The following TRIM54 variants were observed in gnomAD, a reference collection of about 807,000 sequenced individuals.
The protein encoded by TRIM54 is tripartite motif-containing protein 54.
TRIM54 carries 40 observed loss-of-function variants against 42.0 expected under a neutral mutation model. The ratio of observed to expected loss-of-function variants is 0.95; its 90% confidence interval spans 0.74 to 1.24. The LOEUF is 1.24. Ranked by LOEUF, TRIM54 falls within the 50% of genes most tolerant of loss-of-function variation. TRIM54 has a pLI of 0.00. For missense variants in TRIM54, 485 were observed against 480.3 expected, an observed-to-expected ratio of 1.01 and a Z score of -0.09; for synonymous variants, 199 against 194.9, an observed-to-expected ratio of 1.02 and a Z score of -0.17.
In TRIM54 at chr2:27,304,975, G is replaced by C. The variant is rs758426384; in HGVS notation, c.530G>C (p.Gly177Ala). Residue 177 changes from glycine to alanine, a missense_variant, in exon 4 of 9, where the codon GGC (glycine) becomes GCC (alanine). Gly to Ala is a moderately conservative substitution (Grantham distance 60). Transcript: ENST00000380075. ...YKRQKSELSD[G>A]IAMLVAGNDR... is the part of the protein sequence containing the mutation. ...GTGTATCAGAGTGAGCTCAGCGATG[G>C]CATCGCGATGCTGGTGGCAGGCAAT... 8.1e-6 allele frequency: 13 copies of C among 1,614,066 alleles called. No homozygotes were observed. Among genetic ancestry groups the C allele is most frequent in the Non-Finnish European group, 1.1e-5 (13 of 1,179,964 alleles).
At chr2:27,304,718 T>G in intron 3 of TRIM54, 1 of 433,344 alleles carries the variant, frequency 2.3e-6, no homozygotes, top group South Asian at 5.8e-5. Context: ...ATCTGGTGGA[T>G]GTTTGGAGAC....
At position 27,298,557 on chromosome 2, in the gene TRIM54, G is replaced by A. The variant is rs1678933700; in HGVS notation, c.169-10G>A. 1 of 1,610,716 alleles carries A rather than the reference G, an allele frequency of 6.2e-7. No homozygotes were observed. Among genetic ancestry groups the A allele is most frequent in the African/African-American group, 1.3e-5 (1 of 74,942 alleles). The stretch of plus-strand genomic sequence containing the variant: ...CCGTGCCTGTTCTCTCAAGCCATCT[G>A]TCCCTGCAGGCCTCGAATCCTCTAT... On this transcript the variant is annotated splice_polypyrimidine_tract_variant and intron_variant, in intron 1 of 8. Coordinates refer to ENST00000380075, the MANE Select transcript of TRIM54 (RefSeq NM_187841.3).
At chr2:27,300,164 A>T (rs530684958) in intron 3 of TRIM54, among the ~76,000 whole-genome samples, 489 of 151,608 alleles carry the variant, frequency 3.2e-3, no homozygotes, top group Non-Finnish European at 5.5e-3. Context: ...TTATTTATTT[A>T]TTTATTTGTT....
chr2:27,289,860 C>CTTTTTTTTTTTTTTT (rs756771152), intron 1 of TRIM54, among the ~76,000 whole-genome samples: 1 of 100,608 alleles, frequency 9.9e-6, no homozygotes, highest in Non-Finnish European at 2.0e-5. Flanking sequence ...CTCTCTTTCT[C>CTTTTTTTTTTTTTTT]TTTTTTTTTT....
intron 1 of TRIM54, among the ~76,000 whole-genome samples, chr2:27,283,990 G>A (rs992971941): frequency 6.6e-6 from 1 of 152,004 alleles, no homozygotes; most frequent in Admixed American, 6.6e-5. Flanking sequence ...AAAATTAGCC[G>A]GGCGTGGTTG....
chr2:27,296,242 C>T (rs1037692730), intron 1 of TRIM54, among the ~76,000 whole-genome samples: 6 of 152,178 alleles, frequency 3.9e-5, no homozygotes, highest in Admixed American at 2.0e-4. Context: ...AGGGGCCTTC[C>T]AAACTGTCTT....
At position 27,299,281 on chromosome 2, in the gene TRIM54, C is replaced by G. The variant is rs1251823596; in HGVS notation, c.378C>G (p.Cys126Trp). The change falls in exon 3 of 9, where the codon TGC becomes TGG. Residue 126 changes from cysteine to tryptophan, a missense_variant. Transcript: ENST00000380075. Reference sequence around the variant, plus strand: ...CCAAGGCTGAGCAGCACCTCATGTGCGAGGAGCATGAAGAAGAGAAGATCA... The same window carrying G: ...CCAAGGCTGAGCAGCACCTCATGTGGGAGGAGCATGAAGAAGAGAAGATCA... ...LHSKAEQHLM[C>W]EEHEEEKINI... 3 of 1,614,114 alleles carry G rather than the reference C, an allele frequency of 1.9e-6. No homozygotes were observed. The highest frequency in any genetic ancestry group is 2.5e-6 in the Non-Finnish European group (3 of 1,180,046).
At chr2:27,288,213 C>G (rs1260533432) in intron 1 of TRIM54, among the ~76,000 whole-genome samples, 1 of 152,176 alleles carries the variant, frequency 6.6e-6, no homozygotes, top group Non-Finnish European at 1.5e-5. Context: ...CTTGGATGGT[C>G]CATCATTCAT....
intron 3 of TRIM54, 44 bp downstream of exon 3, chr2:27,299,460 TAGGAC>T: frequency 6.2e-7 from 1 of 1,600,458 alleles, no homozygotes; most frequent in Non-Finnish European, 8.5e-7. Context: ...GATGGGGGCT[TAGGAC>T]AGGGTCTCAG....
intron 3 of TRIM54, among the ~76,000 whole-genome samples, chr2:27,301,919 C>T (rs1015395283): frequency 2.0e-5 from 3 of 152,042 alleles, no homozygotes; most frequent in Non-Finnish European, 4.4e-5. Context: ...TTTAAGAGGC[C>T]GAGGCGGGCG....
At chr2:27,282,947 T>C (rs770940656) in intron 1 of TRIM54, 48 bp downstream of exon 1, 3 of 1,569,222 alleles carry the variant, frequency 1.9e-6, no homozygotes, top group Non-Finnish European at 2.6e-6. Flanking sequence ...TGCAGACCTG[T>C]GGGGGACTGA....
intron 1 of TRIM54, among the ~76,000 whole-genome samples, chr2:27,284,096 G>A (rs1172723058): frequency 6.6e-6 from 1 of 152,134 alleles, no homozygotes; most frequent in African/African-American, 2.4e-5. Context: ...TCATGCCACT[G>A]CACTCTGACC....
At chr2:27,300,373 A>C (rs192379291) in intron 3 of TRIM54, among the ~76,000 whole-genome samples, 250 of 151,212 alleles carry the variant, frequency 1.7e-3, no homozygotes, top group African/African-American at 5.9e-3. Flanking sequence ...GGGCTTCACC[A>C]TGTTGGCCAG....
At chr2:27,287,824 T>A (rs1678618979) in intron 1 of TRIM54, among the ~76,000 whole-genome samples, 1 of 152,270 alleles carries the variant, frequency 6.6e-6, no homozygotes, top group South Asian at 2.1e-4. Flanking sequence ...CCACTGCACC[T>A]GGCCTTAAAC....
At position 27,306,841 on chromosome 2, in the gene TRIM54, G is replaced by C. The variant is rs1037902363; in HGVS notation, c.*2-46G>C. 2 of 477,974 alleles carry C rather than the reference G, an allele frequency of 4.2e-6. No homozygotes were observed. Among genetic ancestry groups the C allele is most frequent in the Admixed American group, 7.8e-5 (2 of 25,644 alleles). 29.6% of individuals were successfully genotyped at this position (477,974 alleles called of 1,614,324 possible). ...GAGTGAGCGGGGCTCGAGCTGCCTCGTGCCTTCGCAGCACCCGCCCACCGA... is the reference window on the plus strand; with the variant it reads ...GAGTGAGCGGGGCTCGAGCTGCCTCCTGCCTTCGCAGCACCCGCCCACCGA... On this transcript the variant is annotated intron_variant, in intron 8 of 8. Coordinates refer to ENST00000380075, the MANE Select transcript of TRIM54 (RefSeq NM_187841.3). The surrounding 1 kb of genome is among the most constrained non-coding windows in gnomAD (Gnocchi z 6.1).
chr2:27,282,703 G>A lies in TRIM54; in HGVS notation c.-29G>A, dbSNP rs767573774. 11 of 1,592,284 alleles carry A rather than the reference G, an allele frequency of 6.9e-6. No homozygotes were observed. In the African/African-American group the frequency reaches 8.1e-5, roughly 12 times the overall value. On this transcript the variant is annotated 5_prime_UTR_variant, in exon 1 of 9. Transcript: ENST00000380075. ...GGCAGTGAGTGAAGGCCAGGAGCAG[G>A]GCCCAGGCCAGGCACGACCACCGAG... is the stretch of plus-strand genomic sequence containing the variant.
intron 1 of TRIM54, among the ~76,000 whole-genome samples, chr2:27,288,684 C>T (rs1678641168): frequency 6.6e-6 from 1 of 152,204 alleles, no homozygotes; most frequent in Non-Finnish European, 1.5e-5. Flanking sequence ...CATTCACAAA[C>T]ATGATTCCAT....
rs893651935 is a variant in TRIM54 at position 27,306,855 on chromosome 2, C to G, written c.*2-32C>G. 4 of 450,894 alleles carry G rather than the reference C, an allele frequency of 8.9e-6. No individual in the cohort carries two copies. Among genetic ancestry groups the G allele is most frequent in the African/African-American group, 4.0e-5 (2 of 49,882 alleles). 27.9% of individuals were successfully genotyped at this position (450,894 alleles called of 1,614,324 possible). A position where few individuals can be genotyped will look rare whatever the true frequency, so the allele number is the denominator to read the frequency against. On this transcript the variant is annotated intron_variant, in intron 8 of 8. Transcript: ENST00000380075. The surrounding 1 kb of genome is among the most constrained non-coding windows in gnomAD (Gnocchi z 6.1). ...CGAGCTGCCTCGTGCCTTCGCAGCA[C>G]CCGCCCACCGAGCCTTCTTTCCCGG...
At chr2:27,289,979 C>G (rs1678675396) in intron 1 of TRIM54, among the ~76,000 whole-genome samples, 1 of 137,204 alleles carries the variant, frequency 7.3e-6, no homozygotes, top group Admixed American at 8.3e-5. Context: ...TCAAGTGATT[C>G]TCATGCCTCA....
Sources: allele counts gnomAD v4.1 joint callset (sites outside exome capture counted in the v4.1 genomes callset), GRCh38; gene constraint gnomAD v4.1.1; non-coding constraint Gnocchi (gnomAD v3.1); transcripts MANE v1.5; gene names NCBI Gene and HGNC (gene_info 2026-07-23, HGNC 2026-07-21).